CACNA1A: variants seen among roughly 807,000 people sequenced by gnomAD.
The protein encoded by CACNA1A is voltage-dependent P/Q-type calcium channel subunit alpha-1A.
CACNA1A carries 57 observed loss-of-function variants against 262.4 expected under a neutral mutation model. The ratio of observed to expected loss-of-function variants is 0.22; its 90% CI spans 0.18 to 0.27. The LOEUF is 0.27. Among genes scored for constraint, CACNA1A ranks in the 10% least tolerant of loss-of-function variants. The pLI, the probability that CACNA1A is intolerant of heterozygous loss-of-function variation, is 1.00. For synonymous variants in CACNA1A, 1,431 were observed against 1,419.3 expected, an observed-to-expected ratio of 1.01 and a Z score of -0.18; for missense variants, 2,526 against 3,562.8, an observed-to-expected ratio of 0.71 and a Z score of 7.41.
intron 3 of CACNA1A, among the ~76,000 whole-genome samples, chr19:13,382,813 T>C (rs1250094027): frequency 1.3e-5 from 2 of 152,210 alleles, no homozygotes; most frequent in Non-Finnish European, 2.9e-5. Context: ...CATTGATTGC[T>C]GTGCTCCAGG....
chr19:13,365,536 C>T lies in CACNA1A; in HGVS notation c.632-67G>A, dbSNP rs773787418. ...GTACCCCCAAACCCCGCCACCAAGA[C>T]GCCCAGGTCTCTCCCAGACAAAGCA... is the stretch of plus-strand genomic sequence containing the variant. On this transcript the variant is annotated intron_variant, in intron 4 of 46. Transcript: ENST00000360228. 55 of 1,428,516 alleles carry T rather than the reference C, an allele frequency of 3.9e-5. No individual in the cohort carries two copies. The Admixed American group carries it at 4.3e-4, about 11-fold the overall frequency. The allele number at this position is 1,428,516 out of a possible 1,614,324, so 88.5% of individuals were successfully genotyped here.
intron 38 of CACNA1A, among the ~76,000 whole-genome samples, chr19:13,220,570 C>T (rs2055183062): frequency 6.6e-6 from 1 of 152,218 alleles, no homozygotes; most frequent in South Asian, 2.1e-4. Context: ...TTGGCTGACA[C>T]CTTGATTTCA....
rs980097540 is a variant in CACNA1A at position 13,317,028 on chromosome 19, C to T, written c.1555+84G>A. On this transcript the variant is annotated intron_variant, in intron 11 of 46. Transcript: ENST00000360228. ...TTCAATGAGGACCAAAGAAGATACA[C>T]ATACTACCAGAGAAAGAGAAGTGGA... is the stretch of plus-strand genomic sequence containing the variant. 4.7e-6 allele frequency: 4 copies of T among 848,962 alleles called. No homozygotes were observed. In the East Asian group the frequency reaches 1.1e-4, roughly 23 times the overall value. 52.6% of individuals were successfully genotyped at this position (848,962 alleles called of 1,614,324 possible).
intron 10 of CACNA1A, among the ~76,000 whole-genome samples, chr19:13,318,002 G>A (rs903915539): frequency 6.6e-6 from 1 of 152,234 alleles, no homozygotes; most frequent in African/African-American, 2.4e-5. Context: ...AAAAAGTTGG[G>A]ATGGGTGCAG....
At chr19:13,289,168 G>A (rs2144901008) in intron 19 of CACNA1A, among the ~76,000 whole-genome samples, 1 of 149,342 alleles carries the variant, frequency 6.7e-6, no homozygotes, top group Non-Finnish European at 1.5e-5. Context: ...TTGAGACAGG[G>A]TCTCACTCTG....
At chr19:13,436,334 C>G (rs578084189) in intron 3 of CACNA1A, among the ~76,000 whole-genome samples, 1 of 152,302 alleles carries the variant, frequency 6.6e-6, no homozygotes, top group East Asian at 1.9e-4. Flanking sequence ...ACCTCAGCTG[C>G]TCCTGAATCC....
At chr19:13,486,303 G>A (rs189575372) in intron 1 of CACNA1A, among the ~76,000 whole-genome samples, 42 of 152,166 alleles carry the variant, frequency 2.8e-4, no homozygotes, top group African/African-American at 1.0e-3. Flanking sequence ...ATGGGTGTAC[G>A]CTTCATGGTT....
chr19:13,461,512 G>A (rs1167217378), intron 1 of CACNA1A, among the ~76,000 whole-genome samples: 1 of 152,216 alleles, frequency 6.6e-6, no homozygotes, highest in African/African-American at 2.4e-5. Flanking sequence ...ATGCAATGAT[G>A]TACTTGGTGC....
At chr19:13,410,540 CTT>C (rs113290275) in intron 3 of CACNA1A, among the ~76,000 whole-genome samples, 29 of 120,720 alleles carry the variant, frequency 2.4e-4, no homozygotes, top group Non-Finnish European at 2.7e-4. Context: ...ATTCTTTTTT[CTT>C]TTTTTTTTTT....
At chr19:13,384,527 G>A (rs1454320343) in intron 3 of CACNA1A, among the ~76,000 whole-genome samples, 7 of 152,132 alleles carry the variant, frequency 4.6e-5, no homozygotes, top group African/African-American at 9.7e-5. Context: ...GCAAAACTCC[G>A]TCTCTACCAA....
At position 13,369,032 on chromosome 19, in the gene CACNA1A, C is replaced by T. The variant is rs1319780307; in HGVS notation, c.631+2656G>A. Among the ~76,000 whole-genome samples, 9 of 105,932 alleles carry T rather than the reference C, an allele frequency of 8.5e-5. No homozygotes were observed. In the East Asian group the frequency reaches 1.2e-3, roughly 14 times the overall value. 69.5% of individuals were successfully genotyped at this position (105,932 alleles called of 152,430 possible). A position where few individuals can be genotyped will look rare whatever the true frequency, so the allele number is the denominator to read the frequency against. On this transcript the variant is annotated intron_variant, in intron 4 of 46. Transcript: ENST00000360228. Reference sequence around the variant, plus strand: ...CAGCCTGGGCGACAGAGCGAGACTCCGTCTCAAAAAAAAAAAAAAAAAAAA... The same window carrying T: ...CAGCCTGGGCGACAGAGCGAGACTCTGTCTCAAAAAAAAAAAAAAAAAAAA...
intron 36 of CACNA1A, 168 bp downstream of exon 36, chr19:13,229,914 G>C: frequency 1.4e-6 from 1 of 711,560 alleles, no homozygotes; most frequent in East Asian, 2.8e-5. Flanking sequence ...TTAATCTGGG[G>C]TATGCAAGGG....
chr19:13,343,817 G>C (rs1010911403), intron 6 of CACNA1A, among the ~76,000 whole-genome samples: 1 of 152,194 alleles, frequency 6.6e-6, no homozygotes, highest in African/African-American at 2.4e-5. Flanking sequence ...ACACCTGTGA[G>C]ATGCAGCAGA....
chr19:13,367,033 G>A (rs1445954992), intron 4 of CACNA1A, among the ~76,000 whole-genome samples: 1 of 152,160 alleles, frequency 6.6e-6, no homozygotes. Context: ...GGCGGTTCAC[G>A]CCTCTAATCC....
chr19:13,435,489 G>C (rs2060594154), intron 3 of CACNA1A, among the ~76,000 whole-genome samples: 1 of 152,084 alleles, frequency 6.6e-6, no homozygotes, highest in South Asian at 2.1e-4. Flanking sequence ...GGCTCAGAGA[G>C]ACAACAGTCT....
intron 3 of CACNA1A, among the ~76,000 whole-genome samples, chr19:13,417,686 T>TC (rs1378459262): frequency 1.3e-5 from 2 of 151,952 alleles, no homozygotes; most frequent in Non-Finnish European, 2.9e-5. Flanking sequence ...GGTCAGGAGA[T>TC]CGAGACCAGC....
intron 30 of CACNA1A, 70 bp from the exon 31 acceptor site, chr19:13,245,335 G>A (rs2056198987): frequency 4.8e-6 from 6 of 1,257,248 alleles, no homozygotes; most frequent in East Asian, 2.3e-5. Flanking sequence ...GGCTGGCCGG[G>A]TGCATGTTAG....
intron 6 of CACNA1A, among the ~76,000 whole-genome samples, chr19:13,353,492 C>T (rs569220479): frequency 1.7e-4 from 26 of 152,128 alleles, no homozygotes; most frequent in Non-Finnish European, 3.7e-4. Flanking sequence ...TCCCAGCAGA[C>T]GATTTTTAAT....
Position 13,280,797 on chromosome 19 carries a change from C to T in CACNA1A, c.3822+2470G>A, listed in dbSNP as rs186820529. Among the ~76,000 whole-genome samples, 4 of 151,910 alleles carry T rather than the reference C, an allele frequency of 2.6e-5. No homozygotes were observed. The East Asian group carries it at 5.9e-4, about 22-fold the overall frequency. On this transcript the variant is annotated intron_variant, in intron 22 of 46. Coordinates refer to ENST00000360228, the MANE Select transcript of CACNA1A (RefSeq NM_001127222.2). Reference sequence around the variant, plus strand: ...CTCTACTAAAAATACAAAAATTAGCCGGGTGTGGTGGCGCCTGCCTGTAGT... The same window carrying T: ...CTCTACTAAAAATACAAAAATTAGCTGGGTGTGGTGGCGCCTGCCTGTAGT...
Sources: gnomAD v4.1 joint callset for allele counts (sites outside exome capture counted in the v4.1 genomes callset) on GRCh38, gnomAD v4.1.1 for gene constraint, MANE v1.5 for transcripts, NCBI Gene and HGNC (gene_info 2026-07-23, HGNC 2026-07-21) for gene names.